The following SUCLA2 variants were observed in gnomAD, a reference collection of about 807,000 sequenced individuals.
SUCLA2 encodes succinate--CoA ligase [ADP-forming] subunit beta, mitochondrial.
Under a neutral mutation model 54.8 loss-of-function variants are expected in SUCLA2, and 30 were observed. The observed-to-expected ratio is 0.55, with a 90% CI of 0.41 to 0.74. The LOEUF (loss-of-function observed/expected upper bound fraction) is 0.74, where lower values mean the gene tolerates loss of function less well. SUCLA2 is among the 30% of genes least tolerant of loss of function. The probability of loss-of-function intolerance (pLI) is 0.00; values close to 1 mark genes in which losing one functional copy is unlikely to be tolerated. For synonymous variants in SUCLA2, 172 were observed against 188.9 expected (o/e 0.91, Z 0.74); for missense variants, 476 against 562.9 (o/e 0.85, Z 1.56).
At chr13:47,956,151 T>C (rs1175915090) in intron 6 of SUCLA2, among the ~76,000 whole-genome samples, 1 of 152,170 alleles carries the variant, frequency 6.6e-6, no homozygotes, top group Non-Finnish European at 1.5e-5. Context: ...TTATAAACTT[T>C]TTAAAACATG....
intron 4 of SUCLA2, among the ~76,000 whole-genome samples, chr13:47,976,368 C>T (rs1438611229): frequency 6.6e-6 from 1 of 152,168 alleles, no homozygotes. Context: ...CAGCATCCTT[C>T]CCCCCACCAC....
chr13:47,948,473 G>A (rs1949752109), intron 10 of SUCLA2, among the ~76,000 whole-genome samples: 4 of 152,050 alleles, frequency 2.6e-5, no homozygotes, highest in Admixed American at 2.6e-4. Context: ...TCCTGCCTCA[G>A]CCTCCCAAAG....
At chr13:47,947,221 C>G (rs1949738502) in intron 10 of SUCLA2, among the ~76,000 whole-genome samples, 1 of 151,794 alleles carries the variant, frequency 6.6e-6, no homozygotes, top group African/African-American at 2.4e-5. Context: ...AAGTTCAAAA[C>G]AGTATGCCAG....
chr13:47,966,556 T>G (rs1157994791), intron 6 of SUCLA2, among the ~76,000 whole-genome samples: 2 of 149,876 alleles, frequency 1.3e-5, no homozygotes, highest in South Asian at 4.2e-4. Flanking sequence ...AAAACTGCAA[T>G]TACTTTTGCA....
At chr13:47,992,017 C>T (rs893220618) in intron 2 of SUCLA2, among the ~76,000 whole-genome samples, 2 of 152,134 alleles carry the variant, frequency 1.3e-5, no homozygotes, top group Non-Finnish European at 2.9e-5. Context: ...AAGGGAGCAG[C>T]CACTATTTAT....
chr13:47,972,163 G>A (rs772847229), intron 5 of SUCLA2: 1 of 295,176 alleles, frequency 3.4e-6, no homozygotes, highest in Non-Finnish European at 6.2e-6. Context: ...GCTGAGGCAG[G>A]AGAATAGCTT....
intron 4 of SUCLA2, among the ~76,000 whole-genome samples, chr13:47,981,713 G>T (rs1566089741): frequency 6.6e-6 from 1 of 152,240 alleles, no homozygotes; most frequent in Non-Finnish European, 1.5e-5. Context: ...CTACTCAGAA[G>T]GCTGAGGCAG....
intron 1 of SUCLA2, 196 bp downstream of exon 1, chr13:48,000,984 G>T (rs1950226174): frequency 4.2e-6 from 6 of 1,441,776 alleles, no homozygotes; most frequent in Non-Finnish European, 3.7e-6. Context: ...CTAAGGGCTG[G>T]GTCAGAGCCG....
In SUCLA2 at chr13:47,968,721, T is replaced by C. The variant is rs1210715254; in HGVS notation, c.676A>G (p.Met226Val). ...TCCACAATATTAGGTGGAAATCCCA[T>C]CTTCTGTGCAAGCTGAAATCAATAT... ...KEQALQLAQKMGFPPNIVESA... is the reference protein window; with the variant it reads ...KEQALQLAQKVGFPPNIVESA... Residue 226 changes from methionine (M) to valine (V), a missense_variant, in exon 6 of 11, where the codon ATG (methionine) becomes GTG (valine). This residue lies in a region of SUCLA2 where 342 missense variants were observed against 444.2 expected (regional missense o/e 0.77). Coordinates refer to ENST00000646932, the MANE Select transcript of SUCLA2 (RefSeq NM_003850.3). 2 of 1,612,358 alleles carry C rather than the reference T, an allele frequency of 1.2e-6. No individual in the cohort carries two copies. The highest frequency in any genetic ancestry group is 1.1e-5 in the South Asian group (1 of 91,002).
At chr13:47,943,760 G>GTATATATATATA (rs1397232676) in intron 10 of SUCLA2, among the ~76,000 whole-genome samples, 7 of 129,360 alleles carry the variant, frequency 5.4e-5, no homozygotes, top group African/African-American at 2.2e-4. Context: ...GTGTGTGTGT[G>GTATATATATATA]TGTGTGTATA....
chr13:47,989,382 T>C (rs376799174), intron 2 of SUCLA2, among the ~76,000 whole-genome samples: 14 of 152,092 alleles, frequency 9.2e-5, no homozygotes, highest in Admixed American at 2.6e-4. Flanking sequence ...GGCTAATTTT[T>C]TTGTATTTTT....
intron 4 of SUCLA2, among the ~76,000 whole-genome samples, chr13:47,977,524 C>A (rs961167849): frequency 6.7e-6 from 1 of 148,166 alleles, no homozygotes; most frequent in Non-Finnish European, 1.5e-5. Flanking sequence ...AAAAAAAACT[C>A]AAAAAATACT....
rs770036022 is a variant in SUCLA2 at position 47,988,702 on chromosome 13, G to A, written c.373C>T (p.Pro125Ser). ...GAAGAAACAGCTTTTGCTTCTTCTG[G>A]ACTAAAATAAGAAAAAGAACTCAAA... is the stretch of plus-strand genomic sequence containing the variant. ...LKGGVKIVFS[P>S]EEAKAVSSQM... The change falls in exon 4 of 11, where the codon CCA (proline) becomes TCA (serine). Residue 125 changes from proline to serine, a missense_variant and splice_region_variant. Around this residue, in one of 2 missense-constraint regions of SUCLA2, gnomAD observed 342 missense variants for 444.2 expected, o/e 0.77. Coordinates refer to ENST00000646932, the MANE Select transcript of SUCLA2 (RefSeq NM_003850.3). 10 of 1,613,286 alleles carry A rather than the reference G, an allele frequency of 6.2e-6. No individual in the cohort carries two copies. The highest frequency in any genetic ancestry group is 8.5e-6 in the Non-Finnish European group (10 of 1,179,836).
chr13:47,997,102 A>G (rs569967651), intron 1 of SUCLA2, 79 bp from the exon 2 acceptor site: 10 of 1,431,456 alleles, frequency 7.0e-6, no homozygotes, highest in African/African-American at 1.4e-5. Context: ...CTTCATAACT[A>G]TAACAAAACT....
Position 47,988,846 on chromosome 13 carries a change from A to C in SUCLA2, c.371+36T>G. The C allele has an allele frequency of 3.1e-6, 5 of 1,597,744 alleles. No homozygotes were observed. In the South Asian group the frequency reaches 5.5e-5, roughly 18 times the overall value. On this transcript the variant is annotated intron_variant, in intron 3 of 10. Coordinates refer to ENST00000646932, the MANE Select transcript of SUCLA2 (RefSeq NM_003850.3). ...AATAAGTAATCTTTAATCAGTCTTT[A>C]ACAAGGATGATTTTTCCTTAAAAAA...
In SUCLA2 at chr13:47,954,379, A is replaced by G. The variant is rs779776982; in HGVS notation, c.964+17T>C. On this transcript the variant is annotated intron_variant, in intron 7 of 10. Transcript: ENST00000646932. The stretch of plus-strand genomic sequence containing the variant: ...TAAACTTAGTGAATCCAATTCTAAC[A>G]TAAAAACACATGGTACCTAGGCAGC... 3.7e-6 allele frequency: 6 copies of G among 1,614,002 alleles called. No homozygotes were observed. Among genetic ancestry groups the G allele is most frequent in the Non-Finnish European group, 5.1e-6 (6 of 1,179,888 alleles).
intron 8 of SUCLA2, 110 bp from the exon 9 acceptor site, chr13:47,949,713 T>C (rs1422728812): frequency 2.6e-6 from 3 of 1,143,578 alleles, no homozygotes; most frequent in Non-Finnish European, 3.9e-6. Context: ...GATAGAAAGA[T>C]TTTCAGACCA....
At chr13:47,963,003 T>A (rs1949883707) in intron 6 of SUCLA2, among the ~76,000 whole-genome samples, 1 of 152,180 alleles carries the variant, frequency 6.6e-6, no homozygotes, top group Admixed American at 6.5e-5. Flanking sequence ...CTAGTTCTTG[T>A]TTTCTTACAC....
At chr13:47,979,292 T>A (rs1950042730) in intron 4 of SUCLA2, among the ~76,000 whole-genome samples, 1 of 152,162 alleles carries the variant, frequency 6.6e-6, no homozygotes, top group Non-Finnish European at 1.5e-5. Flanking sequence ...ATATACACCA[T>A]GGAATACTAT....
Sources: gnomAD v4.1 joint callset for allele counts (sites outside exome capture counted in the v4.1 genomes callset) on GRCh38, gnomAD v4.1.1 for gene constraint, gnomAD v4.1.1 regional missense constraint, MANE v1.5 for transcripts, NCBI Gene and HGNC (gene_info 2026-07-23, HGNC 2026-07-21) for gene names.